The following LRRC4C variants were observed in gnomAD, a reference collection of about 807,000 sequenced individuals.
The protein encoded by LRRC4C is leucine rich repeat containing 4C, also known as leucine-rich repeat-containing protein 4C.
Under a neutral mutation model 33.6 loss-of-function variants are expected in LRRC4C, and 5 were observed. That is an observed-to-expected ratio of 0.15 (90% confidence interval 0.08 to 0.31). The LOEUF is 0.31. Among genes scored for constraint, LRRC4C ranks in the 10% least tolerant of loss-of-function variants. The pLI is 1.00. For synonymous variants in LRRC4C, 329 were observed against 302.0 expected (o/e 1.09, Z -0.93); for missense variants, 560 against 796.7 (o/e 0.70, Z 3.58).
chr11:40,263,977 G>C (rs1942057944), intron 4 of LRRC4C, among the ~76,000 whole-genome samples: 1 of 152,170 alleles, frequency 6.6e-6, no homozygotes, highest in African/African-American at 2.4e-5. Flanking sequence ...TCCTAAGAAA[G>C]CATGGCTGAG....
intron 2 of LRRC4C, among the ~76,000 whole-genome samples, chr11:40,729,768 C>T (rs889119432): frequency 1.2e-4 from 19 of 152,264 alleles, no homozygotes; most frequent in African/African-American, 3.9e-4. Flanking sequence ...CACGATCATT[C>T]ATAGTAGATA....
chr11:41,261,053 T>A (rs1457603551), intron 1 of LRRC4C, among the ~76,000 whole-genome samples: 1 of 152,154 alleles, frequency 6.6e-6, no homozygotes, highest in Non-Finnish European at 1.5e-5. Context: ...TTTGAAAGTT[T>A]GTGCTCCTCC....
At chr11:40,538,332 T>G (rs1956562270) in intron 3 of LRRC4C, among the ~76,000 whole-genome samples, 2 of 152,008 alleles carry the variant, frequency 1.3e-5, no homozygotes, top group Admixed American at 1.3e-4. Context: ...CCTTCTTCTG[T>G]CCAAGTGTTC....
chr11:40,281,365 C>T (rs1400511512), intron 4 of LRRC4C, among the ~76,000 whole-genome samples: 1 of 152,122 alleles, frequency 6.6e-6, no homozygotes. Flanking sequence ...CTCTAGAGAT[C>T]AGCTAACTAA....
At chr11:40,597,155 C>T (rs1413408079) in intron 3 of LRRC4C, among the ~76,000 whole-genome samples, 1 of 152,136 alleles carries the variant, frequency 6.6e-6, no homozygotes, top group African/African-American at 2.4e-5. Flanking sequence ...TTCGATTGGA[C>T]CCAGACTATT....
chr11:41,417,666 A>G (rs979146577), intron 1 of LRRC4C, among the ~76,000 whole-genome samples: 15 of 151,850 alleles, frequency 9.9e-5, no homozygotes, highest in African/African-American at 3.6e-4. Flanking sequence ...TTTCAAATGG[A>G]ATATATTGTT....
At chr11:41,220,656 G>T (rs1345969170) in intron 1 of LRRC4C, among the ~76,000 whole-genome samples, 1 of 151,680 alleles carries the variant, frequency 6.6e-6, no homozygotes, top group Non-Finnish European at 1.5e-5. Flanking sequence ...AATGATTTGT[G>T]TGGAAACACA....
intron 2 of LRRC4C, among the ~76,000 whole-genome samples, chr11:40,920,076 A>G (rs1468785152): frequency 6.6e-6 from 1 of 152,160 alleles, no homozygotes; most frequent in Non-Finnish European, 1.5e-5. Flanking sequence ...CAATGCCATT[A>G]ATTTTTAGAC....
At chr11:40,695,062 C>T (rs1565643609) in intron 2 of LRRC4C, among the ~76,000 whole-genome samples, 1 of 151,930 alleles carries the variant, frequency 6.6e-6, no homozygotes, top group Non-Finnish European at 1.5e-5. Context: ...TACAATAAAA[C>T]ATTACACGTT....
chr11:40,706,477 C>T (rs1946173814), intron 2 of LRRC4C, among the ~76,000 whole-genome samples: 1 of 152,164 alleles, frequency 6.6e-6, no homozygotes, highest in Non-Finnish European at 1.5e-5. Flanking sequence ...ATCCTTTCCC[C>T]ATTGCTTGTT....
intron 1 of LRRC4C, among the ~76,000 whole-genome samples, chr11:40,934,110 T>C (rs184291521): frequency 2.2e-4 from 34 of 152,336 alleles, no homozygotes; most frequent in African/African-American, 8.2e-4. Flanking sequence ...TGTTTAAACA[T>C]ACTGTGCCTT....
At chr11:40,304,366 A>G (rs1944924832) in intron 4 of LRRC4C, among the ~76,000 whole-genome samples, 1 of 152,208 alleles carries the variant, frequency 6.6e-6, no homozygotes, top group Non-Finnish European at 1.5e-5. Flanking sequence ...AAGGAAAGTC[A>G]AGAAGAAACA....
At chr11:40,463,349 A>C (rs1490633444) in intron 3 of LRRC4C, among the ~76,000 whole-genome samples, 2 of 146,260 alleles carry the variant, frequency 1.4e-5, no homozygotes, top group Non-Finnish European at 3.0e-5. Context: ...TGTGTGGTTA[A>C]AAGAACAGGA....
At chr11:41,343,773 G>A (rs1951713798) in intron 1 of LRRC4C, among the ~76,000 whole-genome samples, 3 of 151,944 alleles carry the variant, frequency 2.0e-5, no homozygotes, top group Admixed American at 2.0e-4. Flanking sequence ...TTTATGATAT[G>A]GAATGTTTTT....
intron 1 of LRRC4C, among the ~76,000 whole-genome samples, chr11:41,346,112 T>C (rs1951795728): frequency 6.6e-6 from 1 of 152,160 alleles, no homozygotes; most frequent in Admixed American, 6.5e-5. Flanking sequence ...TCAGAACAAA[T>C]TATATTCTAT....
At chr11:41,411,458 C>A (rs747189423) in intron 1 of LRRC4C, among the ~76,000 whole-genome samples, 1 of 151,760 alleles carries the variant, frequency 6.6e-6, no homozygotes, top group Non-Finnish European at 1.5e-5. Flanking sequence ...TTGGTTGGTA[C>A]CCTATTGGAT....
chr11:40,115,933 G>A lies in LRRC4C; in HGVS notation c.360C>T (p.Phe120=). The A allele has an allele frequency of 1.2e-6, 2 of 1,614,068 alleles. No individual in the cohort carries two copies. Among genetic ancestry groups the A allele is most frequent in the South Asian group, 1.1e-5 (1 of 91,068 alleles). ...GAGTGTTGAGGTTCGCCAGACCATT[G>A]AAAGCCCCAATTTCAATGGTTCTGA... The part of the protein sequence containing the change: ...NHIRTIEIGA[F]NGLANLNTLE... Residue 120 remains phenylalanine, a synonymous_variant, in exon 7 of 7, where the codon TTC becomes TTT. Transcript: ENST00000528697. The surrounding 1 kb of genome is among the most constrained non-coding windows in gnomAD (Gnocchi z 6.7).
chr11:40,774,359 C>T (rs1034650027), intron 2 of LRRC4C, among the ~76,000 whole-genome samples: 2 of 152,084 alleles, frequency 1.3e-5, no homozygotes, highest in East Asian at 3.9e-4. Context: ...TGAACATATA[C>T]TATATAAATA....
At chr11:41,087,666 T>C (rs1940104684) in intron 1 of LRRC4C, among the ~76,000 whole-genome samples, 1 of 152,112 alleles carries the variant, frequency 6.6e-6, no homozygotes, top group African/African-American at 2.4e-5. Flanking sequence ...CTCTTCTCAG[T>C]GCTGTAATTG....
Sources: gnomAD v4.1 joint callset for allele counts (sites outside exome capture counted in the v4.1 genomes callset) on GRCh38, gnomAD v4.1.1 for gene constraint, Gnocchi (gnomAD v3.1) non-coding constraint, MANE v1.5 for transcripts, NCBI Gene and HGNC (gene_info 2026-07-23, HGNC 2026-07-21) for gene names.